CCDC102B: variants seen among roughly 807,000 people sequenced by gnomAD.
The protein encoded by CCDC102B is coiled-coil domain containing 102B.
CCDC102B carries 75 observed loss-of-function variants against 57.4 expected under a neutral mutation model. The observed-to-expected ratio is 1.31, with a 90% CI of 1.08 to 1.58. CCDC102B has a LOEUF of 1.58. Among genes scored for constraint, CCDC102B ranks in the 40% most tolerant of loss-of-function variants. The pLI, the probability that CCDC102B is intolerant of heterozygous loss-of-function variation, is 0.00. For synonymous variants in CCDC102B, 206 were observed against 201.9 expected (o/e 1.02, Z -0.17); for missense variants, 636 against 582.6 (o/e 1.09, Z -0.94).
Position 68,846,399 on chromosome 18 carries a change from C to G in CCDC102B, c.914C>G (p.Ser305Ter). 6.3e-7 allele frequency: 1 copy of G among 1,581,480 alleles called. No homozygotes were observed. Residue 305 changes from serine (S) to a stop codon, truncating the protein, a stop_gained, in exon 4 of 8, where the codon TCA (serine) becomes TGA (stop). Transcript: ENST00000360242. LOFTEE classifies it high-confidence loss of function. ...TGGAAGTATGAAGAACTGAAAGAAT[C>G]AAAGCCAAAAAATGTGAAAGAGGTA... Reference protein sequence around the residue: ...WKWKYEELKESKPKNVKEFDI... With the variant: ...WKWKYEELKE
intron 2 of CCDC102B, among the ~76,000 whole-genome samples, chr18:68,738,972 A>G (rs992724224): frequency 1.5e-5 from 2 of 135,342 alleles, no homozygotes; most frequent in Non-Finnish European, 3.1e-5. Flanking sequence ...ACCTCTGGCC[A>G]TTGGACTGTA....
chr18:68,768,447 T>A (rs973025892), intron 2 of CCDC102B, among the ~76,000 whole-genome samples: 3 of 152,194 alleles, frequency 2.0e-5, no homozygotes, highest in East Asian at 1.9e-4. Flanking sequence ...TTATTCTTTG[T>A]CTTCTTCCAG....
At chr18:68,954,592 T>G (rs1329498789) in intron 6 of CCDC102B, among the ~76,000 whole-genome samples, 1 of 152,208 alleles carries the variant, frequency 6.6e-6, no homozygotes, top group Non-Finnish European at 1.5e-5. Context: ...CCTTAGGAAA[T>G]CCAGTGATTA....
chr18:68,837,244 C>T lies in CCDC102B; in HGVS notation c.481C>T (p.Pro161Ser), dbSNP rs2037422835. The change falls in exon 2 of 8, where the codon CCT becomes TCT. Residue 161 changes from proline to serine, a missense_variant. Pro to Ser is a moderately conservative substitution (Grantham distance 74). Coordinates refer to ENST00000360242, the MANE Select transcript of CCDC102B (RefSeq NM_024781.3). ...TAAAGTTACCCAGGATCTGAAGCTT[C>T]CTGGCTTCGTAGAAGAATCCTGTGA... is the stretch of plus-strand genomic sequence containing the variant. Reference protein sequence around the residue: ...EAKVTQDLKLPGFVEESCEHT... With the variant: ...EAKVTQDLKLSGFVEESCEHT... The T allele has an allele frequency of 6.2e-7, 1 of 1,614,108 alleles. No individual in the cohort carries two copies. The highest frequency in any genetic ancestry group is 8.5e-7 in the Non-Finnish European group (1 of 1,180,012).
chr18:68,759,804 G>T (rs2034193974), intron 2 of CCDC102B, among the ~76,000 whole-genome samples: 1 of 152,098 alleles, frequency 6.6e-6, no homozygotes, highest in Non-Finnish European at 1.5e-5. Flanking sequence ...TAGACCTACA[G>T]AGCATCCCTG....
downstream of CCDC102B, among the ~76,000 whole-genome samples, chr18:69,056,826 T>C (rs755353259): frequency 6.6e-6 from 1 of 151,990 alleles, no homozygotes; most frequent in Non-Finnish European, 1.5e-5. Flanking sequence ...TAGTGTTAAG[T>C]ATAGCCAGTG....
At chr18:68,908,199 G>A (rs2040712821) in intron 6 of CCDC102B, 1 of 152,032 alleles carries the variant, frequency 6.6e-6, no homozygotes, top group Non-Finnish European at 1.5e-5. Flanking sequence ...TTGCATATAG[G>A]ATAGTTACAT....
chr18:68,897,311 G>A lies in CCDC102B; in HGVS notation c.1146G>A (p.Arg382=). The A allele has an allele frequency of 1.9e-6, 3 of 1,613,036 alleles. No individual in the cohort carries two copies. Among genetic ancestry groups the A allele is most frequent in the Non-Finnish European group, 2.5e-6 (3 of 1,179,214 alleles). ...AGGGACTGGAGAGAGAAAATAGAAG[G>A]CTGAAGATCCAGGTGAAAGAAATGG... The part of the protein sequence containing the change: ...EKQGLERENR[R]LKIQVKEMEE... The change falls in exon 6 of 8, where the codon AGG becomes AGA. Residue 382 remains arginine, a synonymous_variant. Transcript: ENST00000360242.
chr18:68,940,790 A>G (rs2049359373), intron 6 of CCDC102B, among the ~76,000 whole-genome samples: 1 of 151,942 alleles, frequency 6.6e-6, no homozygotes, highest in African/African-American at 2.4e-5. Flanking sequence ...AATGTACAGA[A>G]TGCAATTTTA....
At chr18:68,943,108 T>TTG (rs2049432524) in intron 6 of CCDC102B, among the ~76,000 whole-genome samples, 1 of 138,404 alleles carries the variant, frequency 7.2e-6, no homozygotes, top group Non-Finnish European at 1.6e-5. Context: ...GGGTTGGGGG[T>TTG]AGGGTTACAG....
intron 6 of CCDC102B, chr18:68,908,037 C>T (rs1342653275): frequency 6.6e-6 from 1 of 152,054 alleles, no homozygotes; most frequent in African/African-American, 2.4e-5. Context: ...TCTGCATCAA[C>T]TGAGATAATA....
At chr18:69,000,563 C>A (rs2051173831) in intron 6 of CCDC102B, among the ~76,000 whole-genome samples, 1 of 152,126 alleles carries the variant, frequency 6.6e-6, no homozygotes, top group South Asian at 2.1e-4. Flanking sequence ...GAGTATGACT[C>A]ATGGCTGTTG....
At chr18:68,813,583 G>A (rs1406313042) in intron 1 of CCDC102B, among the ~76,000 whole-genome samples, 2 of 151,786 alleles carry the variant, frequency 1.3e-5, no homozygotes, top group Non-Finnish European at 2.9e-5. Context: ...AGGTTAGTTA[G>A]GGGAGAAGAA....
intron 6 of CCDC102B, among the ~76,000 whole-genome samples, chr18:69,005,613 T>C (rs1360976839): frequency 1.3e-5 from 2 of 151,956 alleles, no homozygotes; most frequent in Non-Finnish European, 2.9e-5. Context: ...TTGCTATGAC[T>C]AAACTCAATC....
chr18:68,761,594 T>C (rs938713959), intron 2 of CCDC102B, among the ~76,000 whole-genome samples: 1 of 152,082 alleles, frequency 6.6e-6, no homozygotes, highest in Non-Finnish European at 1.5e-5. Flanking sequence ...GAGGTGAAGA[T>C]TTTATTATTT....
At chr18:69,014,083 G>T (rs2051594892) in intron 7 of CCDC102B, among the ~76,000 whole-genome samples, 1 of 152,162 alleles carries the variant, frequency 6.6e-6, no homozygotes, top group African/African-American at 2.4e-5. Context: ...CTCAAAGATA[G>T]AGAAATGTTT....
chr18:68,911,173 A>C (rs1472018695), intron 6 of CCDC102B, among the ~76,000 whole-genome samples: 3 of 152,236 alleles, frequency 2.0e-5, no homozygotes. Context: ...TAGCAAAGAC[A>C]TGGAATCAAC....
chr18:69,000,508 A>T (rs1209985149), intron 6 of CCDC102B, among the ~76,000 whole-genome samples: 1 of 152,170 alleles, frequency 6.6e-6, no homozygotes, highest in Non-Finnish European at 1.5e-5. Context: ...ATATATATGA[A>T]TGCCTTAGTC....
intron 1 of CCDC102B, among the ~76,000 whole-genome samples, chr18:68,813,960 A>G (rs2036377172): frequency 6.6e-6 from 1 of 152,006 alleles, no homozygotes; most frequent in African/African-American, 2.4e-5. Flanking sequence ...TTTACAATTG[A>G]CTTGATATAG....
Sources: gnomAD v4.1 joint callset for allele counts (sites outside exome capture counted in the v4.1 genomes callset) on GRCh38, gnomAD v4.1.1 for gene constraint, MANE v1.5 for transcripts, NCBI Gene and HGNC (gene_info 2026-07-23, HGNC 2026-07-21) for gene names.